COL4A2: variants seen among roughly 807,000 people sequenced by gnomAD.
COL4A2 encodes collagen type IV alpha 2 chain.
COL4A2 carries 99 observed loss-of-function variants against 200.2 expected under a neutral mutation model. The ratio of observed to expected loss-of-function variants is 0.49; its 90% confidence interval spans 0.42 to 0.58. The LOEUF is 0.58. Among genes scored for constraint, COL4A2 ranks in the 20% least tolerant of loss-of-function variants. The pLI is 0.00. For missense variants in COL4A2, 1,950 were observed against 2,314.1 expected, an observed-to-expected ratio of 0.84 and a Z score of 3.23; for synonymous variants, 897 against 900.6, an observed-to-expected ratio of 1.00 and a Z score of 0.07.
At chr13:110,423,129 G>A (rs911603682) in intron 4 of COL4A2, among the ~76,000 whole-genome samples, 2 of 152,124 alleles carry the variant, frequency 1.3e-5, no homozygotes, top group African/African-American at 4.8e-5. Context: ...TGAATCAACA[G>A]CAGACTCATT....
intron 4 of COL4A2, among the ~76,000 whole-genome samples, chr13:110,401,826 A>C (rs1164092207): frequency 6.6e-6 from 1 of 152,192 alleles, no homozygotes; most frequent in East Asian, 1.9e-4. Context: ...GTACTAGTAG[A>C]TTTGGTGTCT....
At chr13:110,432,900 A>G (rs924444802) in intron 11 of COL4A2, among the ~76,000 whole-genome samples, 9 of 152,264 alleles carry the variant, frequency 5.9e-5, no homozygotes, top group African/African-American at 1.9e-4. Flanking sequence ...ACAGCAAAGT[A>G]GGTGGTTTGT....
intron 27 of COL4A2, 64 bp downstream of exon 27, chr13:110,467,160 C>T: frequency 6.3e-7 from 1 of 1,595,208 alleles, no homozygotes; most frequent in Non-Finnish European, 8.6e-7. Flanking sequence ...ACTGCTGTGT[C>T]TCCCCCGCCC....
Position 110,512,165 on chromosome 13 carries a change from T to C in COL4A2, c.5113T>C (p.Cys1705Arg). The stretch of plus-strand genomic sequence containing the variant: ...CCTCATCCGCACACACATCAGCCGC[T>C]GCCAGGTGTGCATGAAGAACCTGTG... ...AGLIRTHISR[C>R]QVCMKNL The change falls in exon 48 of 48, where the codon TGC becomes CGC. Residue 1705 changes from cysteine to arginine, a missense_variant. By Grantham distance (180) the Cys-to-Arg change is radical. Transcript: ENST00000360467. 6.2e-7 allele frequency: 1 copy of C among 1,613,090 alleles called. No homozygotes were observed. Among genetic ancestry groups the C allele is most frequent in the Non-Finnish European group, 8.5e-7 (1 of 1,179,844 alleles).
intron 4 of COL4A2, among the ~76,000 whole-genome samples, chr13:110,382,196 G>A (rs1360162431): frequency 6.6e-6 from 1 of 152,170 alleles, no homozygotes; most frequent in African/African-American, 2.4e-5. Context: ...CATTCCAAAT[G>A]TCTTCAAACA....
chr13:110,415,179 T>C (rs1879993064), intron 4 of COL4A2, among the ~76,000 whole-genome samples: 1 of 152,246 alleles, frequency 6.6e-6, no homozygotes, highest in African/African-American at 2.4e-5. Context: ...GGAGCTTTGC[T>C]GTCTCTTGCT....
intron 39 of COL4A2, among the ~76,000 whole-genome samples, chr13:110,493,857 C>G (rs978054214): frequency 1.3e-5 from 2 of 152,136 alleles, no homozygotes; most frequent in African/African-American, 4.8e-5. Context: ...TGTGTCCTCA[C>G]GAGGGAGAGC....
intron 29 of COL4A2, among the ~76,000 whole-genome samples, chr13:110,474,876 A>C (rs1882639783): frequency 8.7e-6 from 1 of 114,740 alleles, no homozygotes; most frequent in African/African-American, 3.3e-5. Context: ...CCATACACAC[A>C]CGTACCCACA....
chr13:110,319,473 T>C (rs1264757791), intron 3 of COL4A2, among the ~76,000 whole-genome samples: 1 of 152,168 alleles, frequency 6.6e-6, no homozygotes, highest in East Asian at 1.9e-4. Context: ...AACAGAATCT[T>C]AGGAGAGAGT....
At chr13:110,484,745 T>G (rs144472490) in intron 32 of COL4A2, among the ~76,000 whole-genome samples, 160 bp from the exon 33 acceptor site, 1 of 152,078 alleles carries the variant, frequency 6.6e-6, no homozygotes, top group Non-Finnish European at 1.5e-5. Flanking sequence ...ACTACTCCGA[T>G]GGACACAGGA....
At chr13:110,379,059 C>T (rs1021842153) in intron 4 of COL4A2, among the ~76,000 whole-genome samples, 2 of 152,178 alleles carry the variant, frequency 1.3e-5, no homozygotes, top group African/African-American at 2.4e-5. Context: ...TCCGCAGGCA[C>T]GGAGAAGACT....
chr13:110,309,933 G>T (rs944144770), intron 3 of COL4A2, among the ~76,000 whole-genome samples: 10 of 152,342 alleles, frequency 6.6e-5, no homozygotes, highest in African/African-American at 2.4e-4. Context: ...CGAGGTTGCA[G>T]TAAGCCGAAA....
chr13:110,371,189 T>C (rs1877994134), intron 4 of COL4A2, among the ~76,000 whole-genome samples: 1 of 152,210 alleles, frequency 6.6e-6, no homozygotes, highest in Non-Finnish European at 1.5e-5. Flanking sequence ...CTGCATCCTT[T>C]CCTAGCAGCC....
chr13:110,425,035 G>A (rs760573183), intron 6 of COL4A2, 38 bp downstream of exon 6: 18 of 1,583,272 alleles, frequency 1.1e-5, no homozygotes, highest in Middle Eastern at 1.7e-4. Flanking sequence ...AAAACATTGC[G>A]TGCATCCTAG....
intron 30 of COL4A2, among the ~76,000 whole-genome samples, chr13:110,479,746 C>T (rs944757241): frequency 7.2e-5 from 11 of 152,228 alleles, no homozygotes; most frequent in African/African-American, 2.6e-4. Context: ...GCCAAGCTCA[C>T]GACAGTAGCA....
intron 4 of COL4A2, among the ~76,000 whole-genome samples, chr13:110,381,366 G>C (rs1878485983): frequency 1.3e-5 from 2 of 152,208 alleles, no homozygotes; most frequent in Admixed American, 1.3e-4. Context: ...CCCTTTCCTT[G>C]ACATCCGCCT....
intron 3 of COL4A2, among the ~76,000 whole-genome samples, chr13:110,353,666 C>A (rs1296400915): frequency 6.6e-6 from 1 of 152,200 alleles, no homozygotes; most frequent in East Asian, 1.9e-4. Flanking sequence ...TATTTCTGTT[C>A]CTCCTGGAGA....
chr13:110,492,717 A>C (rs1883324222), intron 38 of COL4A2, among the ~76,000 whole-genome samples: 1 of 152,220 alleles, frequency 6.6e-6, no homozygotes, highest in African/African-American at 2.4e-5. Flanking sequence ...CCAAACATAC[A>C]GCAGTGGCGA....
intron 31 of COL4A2, among the ~76,000 whole-genome samples, chr13:110,481,082 GTTGCTGGAGACACACTGTTCTGTCCT>G (rs1882892406): frequency 2.3e-5 from 1 of 43,238 alleles, no homozygotes; most frequent in Non-Finnish European, 4.4e-5. Flanking sequence ...CTGTCCCTCC[GTTGCTGGAGACACACTGTTCTGTCCT>G]TCCGTTGCTG....
Sources: gnomAD v4.1 joint callset for allele counts (sites outside exome capture counted in the v4.1 genomes callset) on GRCh38, gnomAD v4.1.1 for gene constraint, MANE v1.5 for transcripts, NCBI Gene and HGNC (gene_info 2026-07-23, HGNC 2026-07-21) for gene names.